Variants in RALY observed in about 807,000 individuals in gnomAD.
RALY encodes RNA-binding protein Raly.
Under a neutral mutation model 30.7 loss-of-function variants are expected in RALY, and 15 were observed. That is an observed-to-expected ratio of 0.49 (90% CI 0.33 to 0.75). RALY has a LOEUF of 0.75. Ranked by LOEUF, RALY falls within the 30% of genes least tolerant of loss-of-function variation. The pLI, the probability that RALY is intolerant of heterozygous loss-of-function variation, is 0.02. For missense variants in RALY, 339 were observed against 414.3 expected (o/e 0.82, Z 1.58); for synonymous variants, 177 against 170.8 (o/e 1.04, Z -0.28).
At chr20:34,057,789 G>A (rs1262247782) in intron 2 of RALY, among the ~76,000 whole-genome samples, 1 of 152,182 alleles carries the variant, frequency 6.6e-6, no homozygotes, top group African/African-American at 2.4e-5. Flanking sequence ...TGGAGAGAGG[G>A]GGGCTACATT....
chr20:34,035,355 G>A (rs147853579), intron 2 of RALY, among the ~76,000 whole-genome samples: 163 of 151,994 alleles, frequency 1.1e-3, no homozygotes, highest in African/African-American at 3.8e-3. Flanking sequence ...ATATTATCAG[G>A]CACTATACTG....
intron 2 of RALY, among the ~76,000 whole-genome samples, chr20:34,043,777 G>A (rs1229269611): frequency 2.0e-5 from 3 of 152,186 alleles, no homozygotes; most frequent in Admixed American, 2.0e-4. Flanking sequence ...CTTTGTGCTC[G>A]GCACAGAAGT....
chr20:34,035,260 G>T (rs1422413388), intron 2 of RALY, among the ~76,000 whole-genome samples: 1 of 151,712 alleles, frequency 6.6e-6, no homozygotes, highest in African/African-American at 2.4e-5. Flanking sequence ...ATGAGGGTGG[G>T]GCTGGGTAAT....
chr20:34,016,803 G>C (rs1051165872), intron 1 of RALY, among the ~76,000 whole-genome samples: 9 of 152,256 alleles, frequency 5.9e-5, no homozygotes, highest in African/African-American at 2.2e-4. Context: ...TGCCTGGGGC[G>C]GGGCATTTTA....
rs539352667 is a variant in RALY at position 34,077,071 on chromosome 20, C to CGGT, written c.711_713dup (p.Gly238dup). The CGGT allele has an allele frequency of 2.8e-5, 44 of 1,597,580 alleles. No homozygotes were observed. The East Asian group carries it at 6.5e-4, about 24-fold the overall frequency. ...ATGGAGGTGGCGCCGGCGGCGGCGGCGGTGGTGGTGGCAGCGGTGGCGGTG... is the reference window on the plus strand; with the variant it reads ...ATGGAGGTGGCGCCGGCGGCGGCGGCGGTGGTGGTGGTGGCAGCGGTGGCGGTG... On this transcript the variant is annotated inframe_insertion, in exon 8 of 10. Coordinates refer to ENST00000246194, the MANE Select transcript of RALY (RefSeq NM_016732.3).
chr20:34,026,161 A>G (rs1407239097), intron 1 of RALY, among the ~76,000 whole-genome samples: 3 of 151,886 alleles, frequency 2.0e-5, no homozygotes, highest in Non-Finnish European at 4.4e-5. Flanking sequence ...GGGCAGGGCA[A>G]TAGTGAGGGC....
chr20:34,031,076 A>T (rs1178549367), intron 1 of RALY, among the ~76,000 whole-genome samples: 2 of 103,640 alleles, frequency 1.9e-5, no homozygotes, highest in African/African-American at 3.9e-5. Context: ...ATGGATTCTC[A>T]CTCTTGTCAC....
intron 2 of RALY, among the ~76,000 whole-genome samples, chr20:34,051,620 G>A (rs2033080604): frequency 6.6e-6 from 1 of 152,074 alleles, no homozygotes; most frequent in Non-Finnish European, 1.5e-5. Flanking sequence ...TTTTGAGACA[G>A]AGTCTCGCTC....
chr20:34,028,532 G>A (rs1347440727), intron 1 of RALY, among the ~76,000 whole-genome samples: 2 of 151,260 alleles, frequency 1.3e-5, no homozygotes, highest in South Asian at 2.1e-4. Context: ...GTGAAACCCC[G>A]TCTGTACTAA....
chr20:34,023,003 C>T (rs994755335), intron 1 of RALY, among the ~76,000 whole-genome samples: 1 of 152,066 alleles, frequency 6.6e-6, no homozygotes, highest in African/African-American at 2.4e-5. Flanking sequence ...GGTAGAGTTC[C>T]AGGAACTGGC....
chr20:34,046,615 A>G (rs947843023), intron 2 of RALY, among the ~76,000 whole-genome samples: 6 of 152,190 alleles, frequency 3.9e-5, no homozygotes, highest in Admixed American at 3.9e-4. Flanking sequence ...AAAAGGACTT[A>G]CCACTGCAAG....
intron 1 of RALY, among the ~76,000 whole-genome samples, chr20:34,029,476 G>A (rs2032183068): frequency 1.1e-5 from 1 of 88,510 alleles, no homozygotes; most frequent in African/African-American, 4.3e-5. Flanking sequence ...AGGGAGGGAG[G>A]AAAGGGAGGG....
intron 1 of RALY, among the ~76,000 whole-genome samples, chr20:33,996,698 A>C (rs768031540): frequency 8.5e-5 from 13 of 152,174 alleles, no homozygotes; most frequent in Non-Finnish European, 1.3e-4. Flanking sequence ...TTTATGTGAC[A>C]TTAAATACAT....
At chr20:34,025,899 GTTTTTT>G (rs35827160) in intron 1 of RALY, among the ~76,000 whole-genome samples, 2 of 75,918 alleles carry the variant, frequency 2.6e-5, no homozygotes, top group African/African-American at 1.0e-4. Context: ...ATTCCTGGTT[GTTTTTT>G]TTTTTTTTTT....
chr20:34,038,341 A>G (rs1418573205), intron 2 of RALY, among the ~76,000 whole-genome samples: 2 of 152,182 alleles, frequency 1.3e-5, no homozygotes, highest in Non-Finnish European at 1.5e-5. Flanking sequence ...TCTAAGCTGG[A>G]TAACAACAGC....
intron 2 of RALY, among the ~76,000 whole-genome samples, chr20:34,045,640 T>G (rs1258662514): frequency 1.3e-5 from 2 of 152,246 alleles, no homozygotes; most frequent in Non-Finnish European, 1.5e-5. Context: ...TGCCATCTTC[T>G]GTCTTTTGGC....
chr20:34,008,955 C>A (rs1031371951), intron 1 of RALY, among the ~76,000 whole-genome samples: 7 of 151,722 alleles, frequency 4.6e-5, no homozygotes, highest in African/African-American at 1.4e-4. Context: ...TTGCACCTAG[C>A]CTCTATTTTT....
At chr20:34,064,949 G>A (rs1342554019) in intron 2 of RALY, 1 of 152,156 alleles carries the variant, frequency 6.6e-6, no homozygotes, top group Non-Finnish European at 1.5e-5. Context: ...GTCTCGGATT[G>A]GAACTCAGTC....
intron 2 of RALY, among the ~76,000 whole-genome samples, chr20:34,050,675 T>G (rs1295912684): frequency 2.0e-5 from 3 of 152,194 alleles, no homozygotes; most frequent in African/African-American, 7.2e-5. Context: ...CACCTCCCCC[T>G]CTTGCCATCC....
Sources: allele counts gnomAD v4.1 joint callset (sites outside exome capture counted in the v4.1 genomes callset), GRCh38; gene constraint gnomAD v4.1.1; transcripts MANE v1.5; gene names NCBI Gene and HGNC (gene_info 2026-07-23, HGNC 2026-07-21).